Variants in EFNA1 observed in about 807,000 individuals in gnomAD.
EFNA1 encodes ephrin-A1.
A neutral mutation model predicts 23.2 loss-of-function variants in EFNA1; 8 were observed. That is an observed-to-expected ratio of 0.34 (90% CI 0.20 to 0.62). EFNA1 has a LOEUF of 0.62. Among genes scored for constraint, EFNA1 ranks in the 20% least tolerant of loss-of-function variants. The pLI is 0.75. For synonymous variants in EFNA1, 89 were observed against 98.6 expected (o/e 0.90, Z 0.58); for missense variants, 217 against 260.0 (o/e 0.83, Z 1.14).
Position 155,127,956 on chromosome 1 carries a change from C to T in EFNA1, c.-22C>T. 2 of 1,604,678 alleles carry T rather than the reference C, an allele frequency of 1.2e-6. No individual in the cohort carries two copies. Among genetic ancestry groups the T allele is most frequent in the South Asian group, 1.1e-5 (1 of 90,888 alleles). ...CCCATAGGAGACCCGCGTCCCCGCT[C>T]GGCCTGGCCAGGCCCCGCGCTATGG... On this transcript the variant is annotated 5_prime_UTR_variant, in exon 1 of 5. Coordinates refer to ENST00000368407, the MANE Select transcript of EFNA1 (RefSeq NM_004428.3). The surrounding 1 kb of genome is among the most constrained non-coding windows in gnomAD (Gnocchi z 4.4).
intron 2 of EFNA1, among the ~76,000 whole-genome samples, chr1:155,133,122 G>T (rs1387350578): frequency 6.6e-6 from 1 of 152,050 alleles, no homozygotes. Flanking sequence ...TATTGGCCAG[G>T]CTGGTCTCGA....
rs535261907 is a variant in EFNA1 at position 155,127,999 on chromosome 1, C to A, written c.22C>A (p.Leu8Ile). 22 of 1,613,496 alleles carry A rather than the reference C, an allele frequency of 1.4e-5. No individual in the cohort carries two copies. The Admixed American group carries it at 3.7e-4, about 27-fold the overall frequency. ...CGCTATGGAGTTCCTCTGGGCCCCT[C>A]TCTTGGGTCTGTGCTGCAGTCTGGC... MEFLWAP[L>I]LGLCCSLAAA... is the part of the protein sequence containing the mutation. The change falls in exon 1 of 5, where the codon CTC (leucine) becomes ATC (isoleucine). Residue 8 changes from leucine (L) to isoleucine (I), a missense_variant. Coordinates refer to ENST00000368407, the MANE Select transcript of EFNA1 (RefSeq NM_004428.3). This position sits in a 1 kb window ranked among gnomAD's most constrained non-coding sequence, Gnocchi z 4.4.
At position 155,130,815 on chromosome 1, in the gene EFNA1, G is replaced by A. The variant is rs72702300; in HGVS notation, c.93-524G>A. On this transcript the variant is annotated intron_variant, in intron 1 of 4. Transcript: ENST00000368407. ...TGTGAGATCTACTCAGTGGGTCCGG[G>A]GAAATGTGAGAGGAGTAAGGAAAGT... 3.7e-4 allele frequency: 368 copies of A among 985,300 alleles called. 4 individuals carry two copies. Among genetic ancestry groups the A allele is most frequent in the Non-Finnish European group, 8.2e-5 (68 of 829,918 alleles). The allele number at this position is 985,300 out of a possible 1,614,324, so 61.0% of individuals were successfully genotyped here.
chr1:155,127,880 C>T lies in EFNA1; in HGVS notation c.-98C>T. On this transcript the variant is annotated 5_prime_UTR_variant, in exon 1 of 5. Transcript: ENST00000368407. This position sits in a 1 kb window ranked among gnomAD's most constrained non-coding sequence, Gnocchi z 4.4. ...GAGTCGCTAGGCGAAGGGGCCAGAT[C>T]TGTGAGCCCAGCGCTGACTGCGCCG... 1.1e-6 allele frequency: 1 copy of T among 913,928 alleles called. No homozygotes were observed. Among genetic ancestry groups the T allele is most frequent in the Non-Finnish European group, 1.6e-6 (1 of 613,616 alleles). The allele number at this position is 913,928 out of a possible 1,614,324, so 56.6% of individuals were successfully genotyped here.
At chr1:155,128,289 T>C (rs1664143617) in intron 1 of EFNA1, among the ~76,000 whole-genome samples, 1 of 152,100 alleles carries the variant, frequency 6.6e-6, no homozygotes, top group South Asian at 2.1e-4. Flanking sequence ...GCCCTTCCCT[T>C]CCTTCTCTCT....
In EFNA1 at chr1:155,134,508, A is replaced by G; in HGVS notation, c.*441A>G. On this transcript the variant is annotated 3_prime_UTR_variant, in exon 5 of 5. Coordinates refer to ENST00000368407, the MANE Select transcript of EFNA1 (RefSeq NM_004428.3). ...AGCAAGAAACAGTTTCTTGCTTGGA[A>G]GCCAGGTACAGGAGAGGCAGCATGC... is the stretch of plus-strand genomic sequence containing the variant. The G allele has an allele frequency of 4.5e-6, 1 of 220,102 alleles. No homozygotes were observed. Among genetic ancestry groups the G allele is most frequent in the Non-Finnish European group, 9.2e-6 (1 of 108,162 alleles). The allele number at this position is 220,102 out of a possible 1,614,324, so 13.6% of individuals were successfully genotyped here.
At chr1:155,128,187 G>A (rs1360254910) in intron 1 of EFNA1, 118 bp downstream of exon 1, 2 of 869,942 alleles carry the variant, frequency 2.3e-6, no homozygotes. Context: ...GTAGGAGGGC[G>A]GCTGTAGATT....
intron 1 of EFNA1, chr1:155,130,481 A>C: frequency 1.1e-6 from 1 of 945,592 alleles, no homozygotes; most frequent in Non-Finnish European, 1.2e-6. Flanking sequence ...AGAGGAGGGG[A>C]GAGGGGGAGA....
rs1664343942 is a variant in EFNA1, at chr1:155,134,797, C to T, written c.*730C>T. ...TGCTGTGTGTCTGTCCTGATTTCTA[C>T]AACTGGAGTTTTTTTATACAATGTT... On this transcript the variant is annotated 3_prime_UTR_variant, in exon 5 of 5. Transcript: ENST00000368407. 6.5e-6 allele frequency: 1 copy of T among 153,602 alleles called. No individual in the cohort carries two copies. The highest frequency in any genetic ancestry group is 6.5e-5 in the Admixed American group (1 of 15,478). The allele number at this position is 153,602 out of a possible 1,614,324, so 9.5% of individuals were successfully genotyped here.
chr1:155,129,001 C>A (rs1392004922), intron 1 of EFNA1, among the ~76,000 whole-genome samples: 1 of 152,210 alleles, frequency 6.6e-6, no homozygotes, highest in African/African-American at 2.4e-5. Context: ...CCCTAGCAAG[C>A]TTGCCCCCCA....
chr1:155,128,408 C>A (rs147276548), intron 1 of EFNA1, among the ~76,000 whole-genome samples: 3 of 152,016 alleles, frequency 2.0e-5, no homozygotes, highest in Admixed American at 6.5e-5. Context: ...CCCACCCCCC[C>A]ACTGTGAAAG....
chr1:155,134,069 G>T lies in EFNA1; in HGVS notation c.*2G>T. The T allele has an allele frequency of 1.2e-6, 2 of 1,613,790 alleles. No homozygotes were observed. The highest frequency in any genetic ancestry group is 2.2e-5 in the South Asian group (2 of 90,992). On this transcript the variant is annotated 3_prime_UTR_variant, in exon 5 of 5. Coordinates refer to ENST00000368407, the MANE Select transcript of EFNA1 (RefSeq NM_004428.3). ...CTTCTGCTGCTGCAAACCCCGTGAA[G>T]GTGTATGCCACACCTGGCCTTAAAG...
chr1:155,134,062 C>G lies in EFNA1; in HGVS notation c.613C>G (p.Pro205Ala), dbSNP rs1664312877. The G allele has an allele frequency of 1.2e-6, 2 of 1,613,942 alleles. No individual in the cohort carries two copies. Among genetic ancestry groups the G allele is most frequent in the African/African-American group, 2.7e-5 (2 of 75,018 alleles). ...CCTTCCACTTCTGCTGCTGCAAACCCCGTGAAGGTGTATGCCACACCTGGC... is the reference window on the plus strand; with the variant it reads ...CCTTCCACTTCTGCTGCTGCAAACCGCGTGAAGGTGTATGCCACACCTGGC... ...LLLPLLLLQTP is the reference protein window; with the variant it reads ...LLLPLLLLQTA The change falls in exon 5 of 5, where the codon CCG becomes GCG. Residue 205 changes from proline to alanine, a missense_variant. Coordinates refer to ENST00000368407, the MANE Select transcript of EFNA1 (RefSeq NM_004428.3).
rs1273101630 is a variant in EFNA1, at chr1:155,131,647, G to A, written c.388+13G>A. On this transcript the variant is annotated intron_variant, in intron 2 of 4. Transcript: ENST00000368407. ...TACTACTACATCTGTGAGTGCCTGT[G>A]AGGGGACAGTGTCTGTGTTTCTTTT... The A allele has an allele frequency of 6.2e-7, 1 of 1,603,954 alleles. No individual in the cohort carries two copies. Among genetic ancestry groups the A allele is most frequent in the Non-Finnish European group, 8.5e-7 (1 of 1,171,808 alleles).
rs1664336586 is a variant in EFNA1, at chr1:155,134,641, A to AGCTGTGCCAGCAGGGGG, written c.*584_*600dup. 5.6e-6 allele frequency: 1 copy of AGCTGTGCCAGCAGGGGG among 177,102 alleles called. No individual in the cohort carries two copies. The highest frequency in any genetic ancestry group is 1.2e-5 in the Non-Finnish European group (1 of 81,648). The allele number at this position is 177,102 out of a possible 1,614,324, so 11.0% of individuals were successfully genotyped here. A position where few individuals can be genotyped will look rare whatever the true frequency, so the allele number is the denominator to read the frequency against. ...CCCATCCTGGGGCAGCACTCCCCAG[A>AGCTGTGCCAGCAGGGGG]GCTGTGCCAGCAGGGGGGCTGTGCC... On this transcript the variant is annotated 3_prime_UTR_variant, in exon 5 of 5. Coordinates refer to ENST00000368407, the MANE Select transcript of EFNA1 (RefSeq NM_004428.3).
chr1:155,132,337 C>T (rs1170804809), intron 2 of EFNA1, among the ~76,000 whole-genome samples: 2 of 151,966 alleles, frequency 1.3e-5, no homozygotes, highest in African/African-American at 4.8e-5. Context: ...CAACCTCTAC[C>T]TCTCGGATTC....
intron 1 of EFNA1, chr1:155,131,061 A>G (rs985554733): frequency 9.6e-6 from 12 of 1,250,360 alleles, no homozygotes; most frequent in Admixed American, 3.7e-5. Context: ...TCAGGTAAGT[A>G]TCAGGGGGGT....
At chr1:155,128,217 G>T in intron 1 of EFNA1, 148 bp downstream of exon 1, 1 of 690,818 alleles carries the variant, frequency 1.4e-6, no homozygotes, top group Non-Finnish European at 2.5e-6. Flanking sequence ...TCACTTCTCC[G>T]TCATATCTGG....
At chr1:155,128,404 C>G (rs1056009723) in intron 1 of EFNA1, among the ~76,000 whole-genome samples, 1 of 152,210 alleles carries the variant, frequency 6.6e-6, no homozygotes, top group Non-Finnish European at 1.5e-5. Context: ...GCCCCCCACC[C>G]CCCCACTGTG....
Sources: allele counts gnomAD v4.1 joint callset (sites outside exome capture counted in the v4.1 genomes callset), GRCh38; gene constraint gnomAD v4.1.1; non-coding constraint Gnocchi (gnomAD v3.1); transcripts MANE v1.5; gene names NCBI Gene and HGNC (gene_info 2026-07-23, HGNC 2026-07-21).